Variants in CAMK1D observed in about 807,000 individuals in gnomAD.
CAMK1D encodes the protein calcium/calmodulin dependent protein kinase ID.
A neutral mutation model predicts 47.7 loss-of-function variants in CAMK1D; 9 were observed. The ratio of observed to expected loss-of-function variants is 0.19; its 90% CI spans 0.11 to 0.33. The LOEUF (loss-of-function observed/expected upper bound fraction) is 0.33. Ranked by LOEUF, CAMK1D falls within the 10% of genes least tolerant of loss-of-function variation. The pLI is 1.00. For synonymous variants in CAMK1D, 184 were observed against 184.9 expected, an observed-to-expected ratio of 0.99 and a Z score of 0.04; for missense variants, 291 against 488.7, an observed-to-expected ratio of 0.60 and a Z score of 3.81.
At chr10:12,787,714 AC>A (rs1837793610) in intron 5 of CAMK1D, among the ~76,000 whole-genome samples, 1 of 152,168 alleles carries the variant, frequency 6.6e-6, no homozygotes, top group Non-Finnish European at 1.5e-5. Flanking sequence ...TAAGAAGGTC[AC>A]CAGAGGCCGG....
At chr10:12,394,912 C>T (rs1304246999) in intron 1 of CAMK1D, among the ~76,000 whole-genome samples, 1 of 152,162 alleles carries the variant, frequency 6.6e-6, no homozygotes, top group South Asian at 2.1e-4. Context: ...AAAGAGGCTG[C>T]GTGCAGGAGG....
intron 2 of CAMK1D, among the ~76,000 whole-genome samples, chr10:12,596,722 T>A (rs925377381): frequency 1.3e-5 from 2 of 151,590 alleles, no homozygotes; most frequent in Admixed American, 6.6e-5. Context: ...CATGGTGGGG[T>A]CTAGAATTTA....
rs145533476 is a variant in CAMK1D at position 12,747,467 on chromosome 10, G to A, written c.300-13481G>A. ...ACTACAAGTGTGCACCACCACGCCTGGCCAATTATTTTTATTTTTTGAAGA... is the reference window on the plus strand; with the variant it reads ...ACTACAAGTGTGCACCACCACGCCTAGCCAATTATTTTTATTTTTTGAAGA... On this transcript the variant is annotated intron_variant, in intron 3 of 10. Coordinates refer to ENST00000619168, the MANE Select transcript of CAMK1D (RefSeq NM_153498.4). 5.9e-3 allele frequency among the ~76,000 whole-genome samples: 900 copies of A among 152,186 alleles called. 12 individuals carry two copies. The highest frequency in any genetic ancestry group is 0.019 in the African/African-American group (777 of 41,498).
intron 1 of CAMK1D, among the ~76,000 whole-genome samples, chr10:12,550,941 A>T (rs891745533): frequency 6.6e-6 from 1 of 152,232 alleles, no homozygotes; most frequent in Admixed American, 6.5e-5. Context: ...TTTTTAAAAC[A>T]TGCATTTAGC....
intron 1 of CAMK1D, among the ~76,000 whole-genome samples, chr10:12,516,131 A>G (rs1253330822): frequency 6.6e-6 from 1 of 151,804 alleles, no homozygotes; most frequent in Non-Finnish European, 1.5e-5. Context: ...GTTTTTTGAG[A>G]CAGAATCTTG....
chr10:12,787,216 C>T (rs1280144578), intron 5 of CAMK1D, among the ~76,000 whole-genome samples: 1 of 152,202 alleles, frequency 6.6e-6, no homozygotes, highest in Non-Finnish European at 1.5e-5. Context: ...GCTTTTCCAG[C>T]CTGTACATGC....
At chr10:12,571,453 C>CAAAAAAAAAAAAAAAAAAAAAAA (rs766454210) in intron 2 of CAMK1D, among the ~76,000 whole-genome samples, 1 of 89,732 alleles carries the variant, frequency 1.1e-5, no homozygotes, top group Non-Finnish European at 2.1e-5. Context: ...GACTCCATCA[C>CAAAAAAAAAAAAAAAAAAAAAAA]AAAAAAAAAA....
chr10:12,541,765 A>G (rs1046587825), intron 1 of CAMK1D, among the ~76,000 whole-genome samples: 4 of 152,136 alleles, frequency 2.6e-5, no homozygotes, highest in African/African-American at 7.2e-5. Context: ...CTGGAACAAT[A>G]GGTCTAAAAG....
chr10:12,660,587 T>C (rs1277595297), intron 2 of CAMK1D, among the ~76,000 whole-genome samples: 2 of 152,232 alleles, frequency 1.3e-5, no homozygotes, highest in African/African-American at 2.4e-5. Flanking sequence ...TGTGCTTTTT[T>C]CCCATTCAAG....
chr10:12,662,811 C>T (rs1233196074), intron 2 of CAMK1D, among the ~76,000 whole-genome samples: 11 of 152,178 alleles, frequency 7.2e-5, no homozygotes. Context: ...CCCTCCCTAC[C>T]TGGAGTTTAT....
rs188682729 is a variant in CAMK1D at position 12,670,690 on chromosome 10, G to A, written c.299+3880G>A. 7.0e-3 allele frequency among the ~76,000 whole-genome samples: 1,058 copies of A among 152,108 alleles called. 5 individuals carry two copies. The highest frequency in any genetic ancestry group is 0.038 in the Middle Eastern group (11 of 292). ...AGCCTCCAGAGTAGCTGGGATTGTG[G>A]GCACCTGCCACCATGCCCAGCTATT... On this transcript the variant is annotated intron_variant, in intron 3 of 10. Coordinates refer to ENST00000619168, the MANE Select transcript of CAMK1D (RefSeq NM_153498.4).
At chr10:12,592,054 A>G (rs1042050195) in intron 2 of CAMK1D, among the ~76,000 whole-genome samples, 1 of 152,196 alleles carries the variant, frequency 6.6e-6, no homozygotes, top group East Asian at 1.9e-4. Context: ...TCAAAAGGAA[A>G]TATGAAAACG....
chr10:12,371,574 GA>G (rs543171191), intron 1 of CAMK1D, among the ~76,000 whole-genome samples: 384 of 104,110 alleles, frequency 3.7e-3, no homozygotes, highest in African/African-American at 9.6e-3. Context: ...AGACTGTCCC[GA>G]AAAAAAAAAA....
At chr10:12,446,578 A>G (rs984488985) in intron 1 of CAMK1D, among the ~76,000 whole-genome samples, 3 of 152,196 alleles carry the variant, frequency 2.0e-5, no homozygotes, top group Admixed American at 2.0e-4. Flanking sequence ...AATGCAGCCC[A>G]GTAGGTCTCA....
At chr10:12,695,377 T>C (rs1161118996) in intron 3 of CAMK1D, among the ~76,000 whole-genome samples, 2 of 152,044 alleles carry the variant, frequency 1.3e-5, no homozygotes, top group South Asian at 4.1e-4. Flanking sequence ...CAAAGAGCCA[T>C]GTCCTGCCTC....
chr10:12,627,144 C>T (rs1024176227), intron 2 of CAMK1D, among the ~76,000 whole-genome samples: 2 of 146,456 alleles, frequency 1.4e-5, no homozygotes, highest in East Asian at 4.0e-4. Flanking sequence ...TGCAGTGGCT[C>T]GATCTCCGCT....
At chr10:12,660,380 G>A (rs1397626563) in intron 2 of CAMK1D, among the ~76,000 whole-genome samples, 1 of 152,234 alleles carries the variant, frequency 6.6e-6, no homozygotes, top group Non-Finnish European at 1.5e-5. Context: ...AGCACGTGTA[G>A]TCAGTAGCAG....
At chr10:12,362,879 T>A (rs1353194464) in intron 1 of CAMK1D, among the ~76,000 whole-genome samples, 1 of 151,614 alleles carries the variant, frequency 6.6e-6, no homozygotes, top group African/African-American at 2.4e-5. Context: ...CTCCTGACCT[T>A]GTGATCCACC....
intron 1 of CAMK1D, among the ~76,000 whole-genome samples, chr10:12,399,541 C>T (rs372474767): frequency 1.3e-5 from 2 of 151,938 alleles, no homozygotes; most frequent in East Asian, 1.9e-4. Flanking sequence ...TGCTGGACTG[C>T]AGGGTTCCTA....
Sources: allele counts gnomAD v4.1 joint callset (sites outside exome capture counted in the v4.1 genomes callset), GRCh38; gene constraint gnomAD v4.1.1; transcripts MANE v1.5; gene names NCBI Gene and HGNC (gene_info 2026-07-23, HGNC 2026-07-21).